LRRTM4: variants seen among roughly 807,000 people sequenced by gnomAD.
LRRTM4 encodes leucine rich repeat transmembrane neuronal 4, also known as leucine-rich repeat transmembrane neuronal protein 4.
LRRTM4 carries 25 observed loss-of-function variants against 47.6 expected under a neutral mutation model. The observed-to-expected ratio is 0.53, with a 90% confidence interval of 0.38 to 0.73. LRRTM4 has a LOEUF of 0.73. LRRTM4 is among the 30% of genes least tolerant of loss of function. LRRTM4 has a pLI of 0.00. For missense variants in LRRTM4, 638 were observed against 713.4 expected, an observed-to-expected ratio of 0.89 and a Z score of 1.20; for synonymous variants, 311 against 269.5, an observed-to-expected ratio of 1.15 and a Z score of -1.51.
Position 76,788,554 on chromosome 2 carries a change from G to A in LRRTM4, c.1552-39638C>T, listed in dbSNP as rs189781896. ...GAGGCTGAGATTAATGATAGCCAAGGAAAAATAAGAGAGATAATTTCAGAA... is the reference window on the plus strand; with the variant it reads ...GAGGCTGAGATTAATGATAGCCAAGAAAAAATAAGAGAGATAATTTCAGAA... On this transcript the variant is annotated intron_variant, in intron 3 of 3. Coordinates refer to ENST00000409884, the MANE Select transcript of LRRTM4 (RefSeq NM_001134745.3). Among the ~76,000 whole-genome samples, 203 of 152,246 alleles carry A rather than the reference G, an allele frequency of 1.3e-3. 3 individuals are homozygous for A. The South Asian group carries it at 0.017, about 13-fold the overall frequency.
chr2:77,446,493 A>T (rs577572998), intron 3 of LRRTM4, among the ~76,000 whole-genome samples: 1 of 152,242 alleles, frequency 6.6e-6, no homozygotes, highest in South Asian at 2.1e-4. Context: ...ATTGAATATT[A>T]ACAGAATAAA....
intron 3 of LRRTM4, among the ~76,000 whole-genome samples, chr2:76,818,934 T>C (rs1037785594): frequency 5.9e-5 from 9 of 151,792 alleles, no homozygotes; most frequent in African/African-American, 2.2e-4. Context: ...TCAGTTTTAA[T>C]AGTTTTACTA....
chr2:76,760,380 C>A (rs1272697919), intron 3 of LRRTM4, among the ~76,000 whole-genome samples: 1 of 151,948 alleles, frequency 6.6e-6, no homozygotes, highest in Non-Finnish European at 1.5e-5. Flanking sequence ...TGGTGAAATG[C>A]CATATTGGAG....
chr2:77,401,670 C>T (rs1204951520), intron 3 of LRRTM4, among the ~76,000 whole-genome samples: 1 of 151,842 alleles, frequency 6.6e-6, no homozygotes, highest in Non-Finnish European at 1.5e-5. Flanking sequence ...TACCGCCAGC[C>T]CTAAGTGTAA....
intron 3 of LRRTM4, among the ~76,000 whole-genome samples, chr2:77,036,868 A>G (rs1678855166): frequency 1.3e-5 from 2 of 151,772 alleles, no homozygotes; most frequent in African/African-American, 2.4e-5. Context: ...TCTTAAATCA[A>G]TCTGCTGATC....
intron 3 of LRRTM4, among the ~76,000 whole-genome samples, chr2:76,797,567 A>G (rs1675408890): frequency 6.6e-6 from 1 of 152,034 alleles, no homozygotes; most frequent in Non-Finnish European, 1.5e-5. Flanking sequence ...CTAACCAGCA[A>G]AAGAGCGAGC....
At chr2:76,774,809 C>G (rs13405269) in intron 3 of LRRTM4, among the ~76,000 whole-genome samples, 1 of 152,188 alleles carries the variant, frequency 6.6e-6, no homozygotes. Flanking sequence ...ATTTTTGCCA[C>G]TGTTTGCGTA....
At chr2:77,115,568 G>A (rs764813711) in intron 3 of LRRTM4, among the ~76,000 whole-genome samples, 1 of 152,090 alleles carries the variant, frequency 6.6e-6, no homozygotes, top group Non-Finnish European at 1.5e-5. Context: ...CCTCCAGCCG[G>A]TCCCTCCGTT....
intron 3 of LRRTM4, among the ~76,000 whole-genome samples, chr2:77,471,368 A>G (rs1677182033): frequency 6.6e-6 from 1 of 152,174 alleles, no homozygotes; most frequent in Non-Finnish European, 1.5e-5. Context: ...CAGTCAAACT[A>G]TTATAATAAG....
chr2:76,999,199 C>T (rs1326062936), intron 3 of LRRTM4, among the ~76,000 whole-genome samples: 1 of 151,932 alleles, frequency 6.6e-6, no homozygotes, highest in Non-Finnish European at 1.5e-5. Context: ...TAACATTAAC[C>T]CCAGCTGTAG....
intron 3 of LRRTM4, among the ~76,000 whole-genome samples, chr2:77,012,731 A>C (rs139209757): frequency 6.6e-6 from 1 of 152,326 alleles, no homozygotes; most frequent in African/African-American, 2.4e-5. Context: ...CAATTCAGCA[A>C]AACTAGGCCT....
In LRRTM4 at chr2:77,518,366, A is replaced by G; in HGVS notation, c.1503T>C (p.Asn501=). ...TGGTATATGTGCAGGGCCCAGATCC[A>G]TTAACCGATATATCCATGGTCTCAG... ...TNSETMDISV[N]GSGPCTYTIS... is the part of the protein sequence containing the mutation. Residue 501 remains asparagine, a synonymous_variant, in exon 3 of 4, where the codon AAT becomes AAC. Transcript: ENST00000409884. 1.2e-6 allele frequency: 2 copies of G among 1,612,770 alleles called. No homozygotes were observed. The highest frequency in any genetic ancestry group is 8.5e-7 in the Non-Finnish European group (1 of 1,179,336).
At chr2:77,430,760 G>C (rs1269072857) in intron 3 of LRRTM4, among the ~76,000 whole-genome samples, 1 of 147,852 alleles carries the variant, frequency 6.8e-6, no homozygotes, top group Non-Finnish European at 1.5e-5. Context: ...ACTGGATTAA[G>C]AGATACCTAG....
chr2:77,521,557 G>C (rs1311583216), intron 2 of LRRTM4, 111 bp downstream of exon 2: 31 of 1,227,868 alleles, frequency 2.5e-5, no homozygotes, highest in African/African-American at 1.5e-5. Flanking sequence ...AAACTCAAAG[G>C]CTGCTGCTCT....
intron 3 of LRRTM4, among the ~76,000 whole-genome samples, chr2:76,939,816 C>A (rs1302542407): frequency 3.3e-5 from 5 of 152,006 alleles, no homozygotes; most frequent in East Asian, 1.9e-4. Context: ...ATTCATAAAT[C>A]TTTTCATTTC....
At chr2:77,345,005 T>C (rs1006350415) in intron 3 of LRRTM4, among the ~76,000 whole-genome samples, 10 of 151,348 alleles carry the variant, frequency 6.6e-5, no homozygotes, top group Admixed American at 6.6e-4. Flanking sequence ...TAAATAGTTA[T>C]TGATAATATA....
intron 3 of LRRTM4, among the ~76,000 whole-genome samples, chr2:77,008,170 T>C (rs1677730546): frequency 6.6e-6 from 1 of 152,170 alleles, no homozygotes; most frequent in Non-Finnish European, 1.5e-5. Flanking sequence ...TGTTGTGTGG[T>C]ATTAGCATAT....
chr2:77,160,741 C>A (rs1156480837), intron 3 of LRRTM4, among the ~76,000 whole-genome samples: 2 of 152,120 alleles, frequency 1.3e-5, no homozygotes, highest in Non-Finnish European at 2.9e-5. Flanking sequence ...CTACTCTTTC[C>A]TGCCTTAAAT....
chr2:77,400,766 A>G (rs114429344), intron 3 of LRRTM4, among the ~76,000 whole-genome samples: 539 of 151,944 alleles, frequency 3.5e-3, no homozygotes, highest in Non-Finnish European at 5.0e-3. Context: ...CCTAGAACAC[A>G]GCAAATAAAA....
Sources: allele counts gnomAD v4.1 joint callset (sites outside exome capture counted in the v4.1 genomes callset), GRCh38; gene constraint gnomAD v4.1.1; transcripts MANE v1.5; gene names NCBI Gene and HGNC (gene_info 2026-07-23, HGNC 2026-07-21).